Variants in C4orf50 observed in about 807,000 individuals in gnomAD.
The protein encoded by C4orf50 is uncharacterized protein C4orf50.
Under a neutral mutation model 77.2 loss-of-function variants are expected in C4orf50, and 80 were observed. The ratio of observed to expected loss-of-function variants is 1.04; its 90% confidence interval spans 0.87 to 1.25. The LOEUF (loss-of-function observed/expected upper bound fraction) is 1.25. Ranked by LOEUF, C4orf50 falls within the 50% of genes most tolerant of loss-of-function variation. C4orf50 has a pLI of 0.00. For missense variants in C4orf50, 1,257 were observed against 1,152.9 expected (o/e 1.09, Z -1.31); for synonymous variants, 532 against 465.3 (o/e 1.14, Z -1.84).
At chr4:5,959,874 C>G (rs1174528691) in intron 33 of C4orf50, among the ~76,000 whole-genome samples, 5 of 152,208 alleles carry the variant, frequency 3.3e-5, no homozygotes, top group Non-Finnish European at 5.9e-5. Context: ...GGCTCCCTCT[C>G]CACGTCATGT....
chr4:5,950,456 G>T (rs945691240), intron 7 of C4orf50, among the ~76,000 whole-genome samples: 5 of 152,164 alleles, frequency 3.3e-5, no homozygotes, highest in Admixed American at 1.3e-4. Context: ...TGATGACTAC[G>T]TGAGGTTCCT....
intron 7 of C4orf50, among the ~76,000 whole-genome samples, chr4:5,926,476 G>A (rs562423065): frequency 6.6e-6 from 1 of 152,266 alleles, no homozygotes; most frequent in Admixed American, 6.5e-5. Context: ...GGGCCTAAAG[G>A]GGACAGTGTT....
At chr4:5,959,916 G>T (rs1719182041) in intron 33 of C4orf50, among the ~76,000 whole-genome samples, 1 of 152,142 alleles carries the variant, frequency 6.6e-6, no homozygotes, top group Non-Finnish European at 1.5e-5. Flanking sequence ...TCATGAGCGG[G>T]CGTTCCTGTA....
intron 28 of C4orf50, among the ~76,000 whole-genome samples, chr4:5,982,935 C>A (rs1331627918): frequency 6.6e-6 from 1 of 152,152 alleles, no homozygotes; most frequent in Non-Finnish European, 1.5e-5. Flanking sequence ...TAAGCAGCAA[C>A]AGTGGAAGCT....
At position 6,018,091 on chromosome 4, in the gene C4orf50, G is replaced by C. The variant is rs1050091872; in HGVS notation, c.287+54C>G. On this transcript the variant is annotated intron_variant, in intron 23 of 33. Coordinates refer to ENST00000531445, the Ensembl canonical transcript of C4orf50. The surrounding 1 kb of genome is among the most constrained non-coding windows in gnomAD (Gnocchi z 5.1). Reference sequence around the variant, plus strand: ...TCAACACACCATGGTGACACACTCTGATGGCCCCGCGGTTTGTGAAATACA... The same window carrying C: ...TCAACACACCATGGTGACACACTCTCATGGCCCCGCGGTTTGTGAAATACA... 4 of 397,866 alleles carry C rather than the reference G, an allele frequency of 1.0e-5. No homozygotes were observed. The highest frequency in any genetic ancestry group is 1.3e-5 in the Non-Finnish European group (3 of 226,056). The allele number at this position is 397,866 out of a possible 1,614,324, so 24.6% of individuals were successfully genotyped here.
intron 25 of C4orf50, among the ~76,000 whole-genome samples, chr4:6,003,865 G>A (rs1721992661): frequency 7.1e-6 from 1 of 140,224 alleles, no homozygotes; most frequent in Non-Finnish European, 1.6e-5. Context: ...TGATGGTGAT[G>A]GTGATGATGG....
intron 7 of C4orf50, among the ~76,000 whole-genome samples, chr4:5,943,283 A>G (rs1416558154): frequency 1.3e-5 from 2 of 152,214 alleles, no homozygotes; most frequent in African/African-American, 4.8e-5. Context: ...AGAACCGAAC[A>G]GTATCTTCAT....
exon 34 of C4orf50, chr4:5,957,376 C>G (rs1719028563): frequency 6.6e-6 from 1 of 152,262 alleles, no homozygotes; most frequent in Admixed American, 6.5e-5. Flanking sequence ...TGTCCTCTCT[C>G]TGTCATGTTC....
downstream of C4orf50, among the ~76,000 whole-genome samples, chr4:5,952,525 G>A (rs1373602864): frequency 6.6e-6 from 1 of 152,150 alleles, no homozygotes; most frequent in African/African-American, 2.4e-5. This position sits in a 1 kb window ranked among gnomAD's most constrained non-coding sequence, Gnocchi z 4.4. Flanking sequence ...ACAGTCAAGG[G>A]ACCACCGCTC....
intron 28 of C4orf50, among the ~76,000 whole-genome samples, chr4:5,986,154 C>T (rs528886298): frequency 4.4e-4 from 67 of 152,244 alleles, no homozygotes; most frequent in African/African-American, 1.4e-3. Flanking sequence ...GGACAATTAA[C>T]CAGCTTGGCC....
rs1247602267 is a variant in C4orf50, at chr4:5,932,523, C to A, written c.*2474+24378G>T. On this transcript the variant is annotated intron_variant, in intron 7 of 7. Transcript: ENST00000324058. This position sits in a 1 kb window ranked among gnomAD's most constrained non-coding sequence, Gnocchi z 4.2. ...CCATCACAGTTCACTGCAGCCTCGA[C>A]CTCCCAGGCTCAATTGATCCTCCCG... 6.6e-6 allele frequency among the ~76,000 whole-genome samples: 1 copy of A among 152,192 alleles called. No individual in the cohort carries two copies. The highest frequency in any genetic ancestry group is 2.4e-5 in the African/African-American group (1 of 41,452).
At position 5,972,591 on chromosome 4, in the gene C4orf50, G is replaced by C. The variant is rs116402137; in HGVS notation, c.4104+1068C>G. On this transcript the variant is annotated intron_variant, in intron 31 of 33. Transcript: ENST00000531445. ...TTTGGACCAGAGGGGACCTCTCAAG[G>C]CTGTGAGGAAAAGGAAGGGTCAGAG... Among the ~76,000 whole-genome samples, 654 of 152,336 alleles carry C rather than the reference G, an allele frequency of 4.3e-3. 4 individuals are homozygous for C. Among genetic ancestry groups the C allele is most frequent in the African/African-American group, 0.015 (624 of 41,576 alleles).
chr4:5,905,962 C>T lies in C4orf50; in HGVS notation c.*2475-7774G>A, dbSNP rs754967454. Among the ~76,000 whole-genome samples, 63 of 151,954 alleles carry T rather than the reference C, an allele frequency of 4.1e-4. No homozygotes were observed. Among genetic ancestry groups the T allele is most frequent in the Non-Finnish European group, 7.6e-4 (52 of 68,012 alleles). ...ACGGATGCCCTGCTTGCCCTCCTCA[C>T]GTTACAGAGGGTGACATAGGAATCA... On this transcript the variant is annotated intron_variant, in intron 7 of 7. Coordinates refer to the C4orf50 transcript ENST00000324058. This position sits in a 1 kb window ranked among gnomAD's most constrained non-coding sequence, Gnocchi z 5.4.
intron 7 of C4orf50, among the ~76,000 whole-genome samples, chr4:5,926,582 G>T (rs186521731): frequency 6.6e-6 from 1 of 152,256 alleles, no homozygotes. Flanking sequence ...CTTTAACGTG[G>T]CTCAAATGGT....
Position 5,970,102 on chromosome 4 carries a change from T to C in C4orf50, c.4105-2640A>G, listed in dbSNP as rs1350684739. 2.0e-5 allele frequency among the ~76,000 whole-genome samples: 3 copies of C among 151,648 alleles called. No homozygotes were observed. The highest frequency in any genetic ancestry group is 4.4e-5 in the Non-Finnish European group (3 of 67,940). ...GAATACAAACAGCAAAGGTGTCTCA[T>C]TTCATGCTTGTGAATATCAACAGCG... On this transcript the variant is annotated intron_variant, in intron 31 of 33. Transcript: ENST00000531445. This position sits in a 1 kb window ranked among gnomAD's most constrained non-coding sequence, Gnocchi z 4.3.
intron 29 of C4orf50, among the ~76,000 whole-genome samples, chr4:5,978,427 T>C (rs1273013106): frequency 6.6e-6 from 1 of 152,166 alleles, no homozygotes; most frequent in Non-Finnish European, 1.5e-5. Context: ...AAGAGTACTA[T>C]TTAGCTGGAA....
chr4:5,990,042 G>A (rs985533360), exon 28 of C4orf50: 21 of 1,348,050 alleles, frequency 1.6e-5, no homozygotes, highest in African/African-American at 1.5e-5. Flanking sequence ...AGGTGGCTGG[G>A]GGTGCCACTT....
exon 34 of C4orf50, chr4:5,959,610 A>G: frequency 6.2e-7 from 1 of 1,613,444 alleles, no homozygotes; most frequent in Non-Finnish European, 8.5e-7. Context: ...AAGCGTGGAC[A>G]CCAAGGACAG....
At chr4:5,993,949 T>C (rs73795155) in intron 26 of C4orf50, among the ~76,000 whole-genome samples, 12,805 of 151,938 alleles carry the variant, frequency 0.084, 637 homozygotes, top group African/African-American at 0.14. Flanking sequence ...AAGTGCGATT[T>C]TCACTGCCTC....
Sources: allele counts gnomAD v4.1 joint callset (sites outside exome capture counted in the v4.1 genomes callset), GRCh38; gene constraint gnomAD v4.1.1; non-coding constraint Gnocchi (gnomAD v3.1); transcripts MANE v1.5; gene names NCBI Gene and HGNC (gene_info 2026-07-23, HGNC 2026-07-21).